EFNA2: variants seen among roughly 807,000 people sequenced by gnomAD.
EFNA2 encodes ephrin-A2.
Under a neutral mutation model 19.7 loss-of-function variants are expected in EFNA2, and 18 were observed. The ratio of observed to expected loss-of-function variants is 0.91; its 90% CI spans 0.63 to 1.35. The LOEUF is 1.35. Ranked by LOEUF, EFNA2 falls within the 40% of genes most tolerant of loss-of-function variation. The pLI is 0.00. For missense variants in EFNA2, 303 were observed against 296.0 expected, an observed-to-expected ratio of 1.02 and a Z score of -0.17; for synonymous variants, 187 against 137.8, an observed-to-expected ratio of 1.36 and a Z score of -2.50.
intron 1 of EFNA2, among the ~76,000 whole-genome samples, chr19:1,290,498 A>C (rs2081486370): frequency 1.3e-5 from 2 of 152,240 alleles, no homozygotes; most frequent in African/African-American, 4.8e-5. Context: ...GACTGGCCCT[A>C]CGTGGGTCCC....
Position 1,287,664 on chromosome 19 carries a change from G to A in EFNA2, c.140+1356G>A, listed in dbSNP as rs2081472322. Among the ~76,000 whole-genome samples, 2 of 152,132 alleles carry A rather than the reference G, an allele frequency of 1.3e-5. No individual in the cohort carries two copies. The highest frequency in any genetic ancestry group is 6.5e-5 in the Admixed American group (1 of 15,282). ...CCTGGGGGCTGAGGGCAGGGACCCC[G>A]GGCCGCTGGGGGACGGCTGGCCCAC... On this transcript the variant is annotated intron_variant, in intron 1 of 3. Transcript: ENST00000215368. This position sits in a 1 kb window ranked among gnomAD's most constrained non-coding sequence, Gnocchi z 6.2.
chr19:1,284,656 G>C (rs2081455243), upstream of EFNA2, among the ~76,000 whole-genome samples: 1 of 152,208 alleles, frequency 6.6e-6, no homozygotes, highest in Non-Finnish European at 1.5e-5. This position sits in a 1 kb window ranked among gnomAD's most constrained non-coding sequence, Gnocchi z 5.3. Context: ...CTGTGGGACG[G>C]TGGTGGGTCC....
At chr19:1,285,563 C>G (rs1292028367), upstream of EFNA2, among the ~76,000 whole-genome samples, 1 of 152,060 alleles carries the variant, frequency 6.6e-6, no homozygotes, top group Non-Finnish European at 1.5e-5. The surrounding 1 kb of genome is among the most constrained non-coding windows in gnomAD (Gnocchi z 4.1). Flanking sequence ...GGTGAGGCTG[C>G]GGATAGCGCT....
chr19:1,295,644 G>T lies in EFNA2; in HGVS notation c.240G>T (p.Leu80=). 6.2e-7 allele frequency: 1 copy of T among 1,611,520 alleles called. No individual in the cohort carries two copies. The change falls in exon 2 of 4, where the codon CTG becomes CTT. Residue 80 remains leucine (L), a synonymous_variant. Transcript: ENST00000215368. The surrounding 1 kb of genome is among the most constrained non-coding windows in gnomAD (Gnocchi z 5.8). ...ACTGCCCGCACTATGGGGCGCCGCT[G>T]CCGCCGGCCGAGCGCATGGAGCACT... ...DIYCPHYGAP[L]PPAERMEHYV...
rs139166253 is a variant in EFNA2 at position 1,297,552 on chromosome 19, G to A, written c.455-999G>A. On this transcript the variant is annotated intron_variant, in intron 2 of 3. Transcript: ENST00000215368. This position sits in a 1 kb window ranked among gnomAD's most constrained non-coding sequence, Gnocchi z 5.0. ...TGAGAGCCAGGCCATCAGGGGCCCA[G>A]GGCCCGGCAGAGACAGCAAGACCAC... 4.6e-5 allele frequency among the ~76,000 whole-genome samples: 7 copies of A among 152,104 alleles called. No individual in the cohort carries two copies. Among genetic ancestry groups the A allele is most frequent in the African/African-American group, 1.7e-4 (7 of 41,412 alleles).
At position 1,287,092 on chromosome 19, in the gene EFNA2, C is replaced by A. The variant is rs867403620; in HGVS notation, c.140+784C>A. ...GATGCCGCACCCGCCTGCTGCAGGC[C>A]CCCTTGTTTTGAACCAGGTCCGGGC... On this transcript the variant is annotated intron_variant, in intron 1 of 3. Transcript: ENST00000215368. This position sits in a 1 kb window ranked among gnomAD's most constrained non-coding sequence, Gnocchi z 6.2. Among the ~76,000 whole-genome samples the A allele has an allele frequency of 6.6e-6, 1 of 152,222 alleles. No homozygotes were observed. The highest frequency in any genetic ancestry group is 6.5e-5 in the Admixed American group (1 of 15,292).
chr19:1,288,163 C>T (rs938456428), intron 1 of EFNA2, among the ~76,000 whole-genome samples: 8 of 152,352 alleles, frequency 5.3e-5, no homozygotes, highest in Admixed American at 1.3e-4. Context: ...GGGACGGAGC[C>T]GACACCCTGC....
In EFNA2 at chr19:1,294,121, G is replaced by A. The variant is rs1173863827; in HGVS notation, c.141-1424G>A. ...CACTGGTGGGGCCTCAGTTTCCCCT[G>A]CCTGTGCATGGAGGGAGGAGGCAGG... On this transcript the variant is annotated intron_variant, in intron 1 of 3. Transcript: ENST00000215368. The surrounding 1 kb of genome is among the most constrained non-coding windows in gnomAD (Gnocchi z 5.8). Among the ~76,000 whole-genome samples the A allele has an allele frequency of 3.9e-5, 6 of 152,256 alleles. No individual in the cohort carries two copies. The highest frequency in any genetic ancestry group is 8.8e-5 in the Non-Finnish European group (6 of 68,038).
intron 1 of EFNA2, among the ~76,000 whole-genome samples, chr19:1,293,252 C>T (rs547362964): frequency 6.6e-6 from 1 of 152,348 alleles, no homozygotes; most frequent in East Asian, 1.9e-4. Context: ...TGGGCTTTCA[C>T]TTGGGCTGGG....
chr19:1,286,327 G>T lies in EFNA2; in HGVS notation c.140+19G>T. ...ACCCCAGGTGAGCGCGGCCGCGCGC[G>T]GGGGGCGCCCGGGGACCCCCCAACG... On this transcript the variant is annotated intron_variant, in intron 1 of 3. Transcript: ENST00000215368. This position sits in a 1 kb window ranked among gnomAD's most constrained non-coding sequence, Gnocchi z 5.6. The T allele has an allele frequency of 4.0e-6, 4 of 989,148 alleles. No individual in the cohort carries two copies. The highest frequency in any genetic ancestry group is 4.5e-5 in the South Asian group (1 of 22,468). The allele number at this position is 989,148 out of a possible 1,614,324, so 61.3% of individuals were successfully genotyped here.
rs2081535439 is a variant in EFNA2 at position 1,300,239 on chromosome 19, C to CG, written c.*295dup. 3 of 66,248 alleles carry CG rather than the reference C, an allele frequency of 4.5e-5. No individual in the cohort carries two copies. Among genetic ancestry groups the CG allele is most frequent in the South Asian group, 6.4e-4 (1 of 1,574 alleles). The allele number at this position is 66,248 out of a possible 1,614,324, so 4.1% of individuals were successfully genotyped here. On this transcript the variant is annotated 3_prime_UTR_variant, in exon 4 of 4. Coordinates refer to ENST00000215368, the MANE Select transcript of EFNA2 (RefSeq NM_001405.4). ...GTCGGAGAACCCGGGAACCTCTTGG[C>CG]GATTTTTTTTTTTTTTTTTTTTTTT...
At position 1,297,840 on chromosome 19, in the gene EFNA2, G is replaced by C. The variant is rs1211799977; in HGVS notation, c.455-711G>C. On this transcript the variant is annotated intron_variant, in intron 2 of 3. Coordinates refer to ENST00000215368, the MANE Select transcript of EFNA2 (RefSeq NM_001405.4). The surrounding 1 kb of genome is among the most constrained non-coding windows in gnomAD (Gnocchi z 5.0). ...TAATCCCAGCACTTTGGGAGGCCGA[G>C]GCGGGTGGATCACCTGAGGTCAGGA... Among the ~76,000 whole-genome samples, 2 of 152,106 alleles carry C rather than the reference G, an allele frequency of 1.3e-5. No homozygotes were observed. Among genetic ancestry groups the C allele is most frequent in the Non-Finnish European group, 2.9e-5 (2 of 68,016 alleles).
Position 1,300,086 on chromosome 19 carries a change from C to G in EFNA2, c.*141C>G. ...CTCCCTCGCCTGGTGCCGCCCCCGCCGGGCAGGGGCCATCCACCCGCCCCA... is the reference window on the plus strand; with the variant it reads ...CTCCCTCGCCTGGTGCCGCCCCCGCGGGGCAGGGGCCATCCACCCGCCCCA... On this transcript the variant is annotated 3_prime_UTR_variant, in exon 4 of 4. Coordinates refer to ENST00000215368, the MANE Select transcript of EFNA2 (RefSeq NM_001405.4). 8.1e-7 allele frequency: 1 copy of G among 1,230,420 alleles called. No homozygotes were observed. Among genetic ancestry groups the G allele is most frequent in the African/African-American group, 1.6e-5 (1 of 64,084 alleles). 76.2% of individuals were successfully genotyped at this position (1,230,420 alleles called of 1,614,324 possible). A position where few individuals can be genotyped will look rare whatever the true frequency, so the allele number is the denominator to read the frequency against.
rs1600060124 is a variant in EFNA2 at position 1,295,972 on chromosome 19, A to G, written c.454+114A>G. On this transcript the variant is annotated intron_variant, in intron 2 of 3. Transcript: ENST00000215368. The surrounding 1 kb of genome is among the most constrained non-coding windows in gnomAD (Gnocchi z 5.8). Reference sequence around the variant, plus strand: ...GGCCGGGGAGTGGGCGGGGCAGCGCAGTGGGCGGGGCCGCGGTGTGGGGCC... The same window carrying G: ...GGCCGGGGAGTGGGCGGGGCAGCGCGGTGGGCGGGGCCGCGGTGTGGGGCC... The G allele has an allele frequency of 4.5e-6, 1 of 222,110 alleles. No individual in the cohort carries two copies. The highest frequency in any genetic ancestry group is 2.3e-4 in the Admixed American group (1 of 4,424). 13.8% of individuals were successfully genotyped at this position (222,110 alleles called of 1,614,324 possible). A position where few individuals can be genotyped will look rare whatever the true frequency, so the allele number is the denominator to read the frequency against.
Position 1,301,323 on chromosome 19 carries a change from G to T in EFNA2, c.*1378G>T, listed in dbSNP as rs1358547509. Among the ~76,000 whole-genome samples, 1 of 151,224 alleles carries T rather than the reference G, an allele frequency of 6.6e-6. No individual in the cohort carries two copies. Among genetic ancestry groups the T allele is most frequent in the East Asian group, 1.9e-4 (1 of 5,182 alleles). On this transcript the variant is annotated 3_prime_UTR_variant, in exon 4 of 4. Transcript: ENST00000215368. ...GAGGGCTTTTGTAGGGGGTCGGCGG[G>T]GCGGGCCGCGTTGCCAGGCCTGGAG...
rs556739306 is a variant in EFNA2 at position 1,300,147 on chromosome 19, C to G, written c.*202C>G. 8.7e-6 allele frequency: 6 copies of G among 687,522 alleles called. No homozygotes were observed. The highest frequency in any genetic ancestry group is 4.8e-5 in the South Asian group (2 of 41,688). 42.6% of individuals were successfully genotyped at this position (687,522 alleles called of 1,614,324 possible). On this transcript the variant is annotated 3_prime_UTR_variant, in exon 4 of 4. Transcript: ENST00000215368. Reference sequence around the variant, plus strand: ...TCAGGGAGGGGAAACGGCCGAGAGCCCCCCCCCGGAGGCCCGAGGGGCCGG... The same window carrying G: ...TCAGGGAGGGGAAACGGCCGAGAGCGCCCCCCCGGAGGCCCGAGGGGCCGG...
chr19:1,301,051 C>T lies in EFNA2; in HGVS notation c.*1106C>T, dbSNP rs2081540618. 6.6e-6 allele frequency among the ~76,000 whole-genome samples: 1 copy of T among 150,620 alleles called. No individual in the cohort carries two copies. The highest frequency in any genetic ancestry group is 2.1e-4 in the South Asian group (1 of 4,758). ...TCGTCTGTCAGAGCCCCTCTCTCAACTCTGTGACCTGATAATGTTTCTAAG... is the reference window on the plus strand; with the variant it reads ...TCGTCTGTCAGAGCCCCTCTCTCAATTCTGTGACCTGATAATGTTTCTAAG... On this transcript the variant is annotated 3_prime_UTR_variant, in exon 4 of 4. Transcript: ENST00000215368.
chr19:1,297,036 A>G lies in EFNA2; in HGVS notation c.454+1178A>G, dbSNP rs1233976690. Among the ~76,000 whole-genome samples, 1 of 152,188 alleles carries G rather than the reference A, an allele frequency of 6.6e-6. No homozygotes were observed. Among genetic ancestry groups the G allele is most frequent in the African/African-American group, 2.4e-5 (1 of 41,446 alleles). On this transcript the variant is annotated intron_variant, in intron 2 of 3. Coordinates refer to ENST00000215368, the MANE Select transcript of EFNA2 (RefSeq NM_001405.4). This position sits in a 1 kb window ranked among gnomAD's most constrained non-coding sequence, Gnocchi z 5.0. ...TATCTGTGACCTTGGCGGGGGAATG[A>G]GGGGCCAGGCACTGCCCACCTGAGA...
chr19:1,286,353 C>A lies in EFNA2; in HGVS notation c.140+45C>A, dbSNP rs1201709047. The A allele has an allele frequency of 6.2e-6, 6 of 966,534 alleles. No homozygotes were observed. The highest frequency in any genetic ancestry group is 4.6e-5 in the South Asian group (1 of 21,600). 59.9% of individuals were successfully genotyped at this position (966,534 alleles called of 1,614,324 possible). A position where few individuals can be genotyped will look rare whatever the true frequency, so the allele number is the denominator to read the frequency against. Reference sequence around the variant, plus strand: ...GGGGGCGCCCGGGGACCCCCCAACGCCCCCCAAGCCGCGCCCGGCCTCGCG... The same window carrying A: ...GGGGGCGCCCGGGGACCCCCCAACGACCCCCAAGCCGCGCCCGGCCTCGCG... On this transcript the variant is annotated intron_variant, in intron 1 of 3. Transcript: ENST00000215368. The surrounding 1 kb of genome is among the most constrained non-coding windows in gnomAD (Gnocchi z 5.6).
Sources: gnomAD v4.1 joint callset for allele counts (sites outside exome capture counted in the v4.1 genomes callset) on GRCh38, gnomAD v4.1.1 for gene constraint, Gnocchi (gnomAD v3.1) non-coding constraint, MANE v1.5 for transcripts, NCBI Gene and HGNC (gene_info 2026-07-23, HGNC 2026-07-21) for gene names.